NUDC: variants seen among roughly 807,000 people sequenced by gnomAD.
NUDC encodes the protein nuclear distribution C, dynein complex regulator.
NUDC carries 14 observed loss-of-function variants against 45.0 expected under a neutral mutation model. The ratio of observed to expected loss-of-function variants is 0.31; its 90% CI spans 0.21 to 0.49. The LOEUF is 0.49. Among genes scored for constraint, NUDC ranks in the 20% least tolerant of loss-of-function variants. NUDC has a pLI of 0.99. For missense variants in NUDC, 323 were observed against 426.2 expected, an observed-to-expected ratio of 0.76 and a Z score of 2.13; for synonymous variants, 153 against 156.7, an observed-to-expected ratio of 0.98 and a Z score of 0.17.
intron 2 of NUDC, among the ~76,000 whole-genome samples, chr1:26,937,639 A>C (rs924210276): frequency 2.6e-5 from 4 of 151,572 alleles, no homozygotes; most frequent in African/African-American, 4.9e-5. Context: ...TTATTTATTT[A>C]TTTTTATTTC....
chr1:26,909,200 C>G (rs971585716), intron 2 of NUDC, among the ~76,000 whole-genome samples: 5 of 152,110 alleles, frequency 3.3e-5, no homozygotes, highest in African/African-American at 1.2e-4. Context: ...GTCTTGAACT[C>G]CTAACCTCAG....
At chr1:26,923,396 C>A (rs1212104329) in intron 1 of NUDC, among the ~76,000 whole-genome samples, 1 of 152,178 alleles carries the variant, frequency 6.6e-6, no homozygotes, top group Non-Finnish European at 1.5e-5. Flanking sequence ...TGTACTCCAG[C>A]CAGAATTAAT....
At chr1:26,928,708 C>G (rs898755184) in intron 2 of NUDC, among the ~76,000 whole-genome samples, 1 of 152,018 alleles carries the variant, frequency 6.6e-6, no homozygotes, top group Non-Finnish European at 1.5e-5. Flanking sequence ...AAAACAAAAC[C>G]CACAATGAGA....
At chr1:26,918,644 G>A (rs1441400402), upstream of NUDC, among the ~76,000 whole-genome samples, 3 of 146,698 alleles carry the variant, frequency 2.0e-5, no homozygotes, top group African/African-American at 7.6e-5. Flanking sequence ...GCACAATCTC[G>A]GCTCGCTACA....
intron 2 of NUDC, among the ~76,000 whole-genome samples, chr1:26,904,116 G>A (rs2081992784): frequency 6.8e-6 from 1 of 148,082 alleles, no homozygotes; most frequent in South Asian, 2.1e-4. Flanking sequence ...ATTGTAGATA[G>A]GACCATTATA....
At chr1:26,902,604 G>T (rs1207491147) in intron 2 of NUDC, among the ~76,000 whole-genome samples, 3 of 152,136 alleles carry the variant, frequency 2.0e-5, no homozygotes, top group East Asian at 3.9e-4. Flanking sequence ...ATCTCTCCTG[G>T]CAGGGTGTGG....
rs2082020937 is a variant in NUDC, at chr1:26,910,488, G to C, written c.-15-640G>C. Among the ~76,000 whole-genome samples the C allele has an allele frequency of 2.0e-5, 3 of 152,176 alleles. No homozygotes were observed. In the South Asian group the frequency reaches 6.2e-4, roughly 32 times the overall value. The stretch of plus-strand genomic sequence containing the variant: ...CAATTAGCTATAGTCCTAACCTGGG[G>C]GGCTTAGAGAAAGGCCTGAATGATG... On this transcript the variant is annotated intron_variant, in intron 2 of 6. Coordinates refer to the NUDC transcript ENST00000435827.
chr1:26,911,906 C>T (rs756121300), intron 3 of NUDC: 15 of 1,613,950 alleles, frequency 9.3e-6, no homozygotes, highest in South Asian at 3.3e-5. Flanking sequence ...AATGATAGGG[C>T]GAAAGAAGAG....
At chr1:26,930,410 A>T (rs1031176082) in intron 2 of NUDC, among the ~76,000 whole-genome samples, 1 of 152,198 alleles carries the variant, frequency 6.6e-6, no homozygotes, top group Non-Finnish European at 1.5e-5. Context: ...TTCTGATCTC[A>T]AGCGACCTAC....
rs748595153 is a variant in NUDC, at chr1:26,913,420, A to G, written c.93+2185A>G. ...GTCTGGGAGCTCACCGGGGTTGAAGAGGATGGTCCCTTTCAGGCAGGCATA... is the reference window on the plus strand; with the variant it reads ...GTCTGGGAGCTCACCGGGGTTGAAGGGGATGGTCCCTTTCAGGCAGGCATA... On this transcript the variant is annotated intron_variant, in intron 3 of 6. Transcript: ENST00000435827. 1.9e-6 allele frequency: 3 copies of G among 1,614,076 alleles called. No individual in the cohort carries two copies. The highest frequency in any genetic ancestry group is 1.7e-6 in the Non-Finnish European group (2 of 1,179,988).
In NUDC at chr1:26,909,315, A is replaced by G. The variant is rs182607628; in HGVS notation, c.-15-1813A>G. ...AATTTTTTGTAGAGGCAGGAGTCTC[A>G]TTACATTGCCCAGGCTGATCTTGAA... On this transcript the variant is annotated intron_variant, in intron 2 of 6. Coordinates refer to the NUDC transcript ENST00000435827. Among the ~76,000 whole-genome samples, 13 of 152,214 alleles carry G rather than the reference A, an allele frequency of 8.5e-5. No individual in the cohort carries two copies. In the East Asian group the frequency reaches 2.5e-3, roughly 29 times the overall value.
intron 6 of NUDC, among the ~76,000 whole-genome samples, chr1:26,944,239 C>G (rs1312679402): frequency 2.0e-5 from 3 of 150,028 alleles, no homozygotes; most frequent in Admixed American, 2.0e-4. Flanking sequence ...GAGACAGGGT[C>G]TTGTTCTCAC....
Position 26,945,449 on chromosome 1 carries a change from G to A in NUDC, c.801G>A (p.Lys267=). ...LVSSDPEINT[K]KINPENSKLS... is the part of the protein sequence containing the mutation. ...CCAGTGACCCTGAGATCAACACCAA[G>A]AAGATTAACCCTGAGAATTCCAAGG... The change falls in exon 7 of 9, where the codon AAG becomes AAA. Residue 267 remains lysine, a synonymous_variant. Transcript: ENST00000321265. The A allele has an allele frequency of 6.2e-7, 1 of 1,614,174 alleles. No homozygotes were observed. Among genetic ancestry groups the A allele is most frequent in the Non-Finnish European group, 8.5e-7 (1 of 1,180,030 alleles).
intron 2 of NUDC, among the ~76,000 whole-genome samples, chr1:26,929,479 T>C (rs1041422863): frequency 2.6e-5 from 4 of 152,078 alleles, no homozygotes; most frequent in Non-Finnish European, 5.9e-5. Context: ...TACATTGTAT[T>C]AGGTATTAGG....
chr1:26,925,974 G>A (rs1351610535), intron 2 of NUDC, among the ~76,000 whole-genome samples: 1 of 151,724 alleles, frequency 6.6e-6, no homozygotes, highest in Non-Finnish European at 1.5e-5. Flanking sequence ...TGCCTGCCTT[G>A]GCCTCCCGAA....
intron 2 of NUDC, among the ~76,000 whole-genome samples, chr1:26,924,549 TTTTA>T (rs893080318): frequency 7.9e-5 from 12 of 152,076 alleles, no homozygotes; most frequent in East Asian, 5.8e-4. Context: ...AATGAGGAGG[TTTTA>T]TTTATTTATT....
upstream of NUDC, chr1:26,921,643 T>C: frequency 1.7e-6 from 1 of 602,812 alleles, no homozygotes; most frequent in South Asian, 2.0e-5. Flanking sequence ...AGCGGGTTGC[T>C]TGCCGCACGG....
intron 1 of NUDC, among the ~76,000 whole-genome samples, chr1:26,901,895 G>A (rs113295334): frequency 1.6e-4 from 24 of 152,188 alleles, no homozygotes; most frequent in African/African-American, 5.1e-4. Context: ...GCAAGCTGGT[G>A]TAGGAGGATC....
At chr1:26,907,147 C>A (rs547354958) in intron 2 of NUDC, among the ~76,000 whole-genome samples, 115 of 152,324 alleles carry the variant, frequency 7.5e-4, no homozygotes, top group Non-Finnish European at 1.4e-3. Flanking sequence ...AACTAAGCAC[C>A]TCTTGCTCTC....
Sources: allele counts gnomAD v4.1 joint callset (sites outside exome capture counted in the v4.1 genomes callset), GRCh38; gene constraint gnomAD v4.1.1; transcripts MANE v1.5; gene names NCBI Gene and HGNC (gene_info 2026-07-23, HGNC 2026-07-21).